Variants in GRM8 observed in about 807,000 individuals in gnomAD.
GRM8 encodes metabotropic glutamate receptor 8.
A neutral mutation model predicts 87.2 loss-of-function variants in GRM8; 47 were observed. The ratio of observed to expected loss-of-function variants is 0.54; its 90% CI spans 0.43 to 0.69. GRM8 has a LOEUF of 0.69. Ranked by LOEUF, GRM8 falls within the 30% of genes least tolerant of loss-of-function variation. GRM8 has a pLI of 0.00. For missense variants in GRM8, 1,019 were observed against 1,139.2 expected (o/e 0.89, Z 1.52); for synonymous variants, 396 against 404.5 (o/e 0.98, Z 0.25).
At chr7:127,088,943 G>C (rs1026414766) in intron 3 of GRM8, among the ~76,000 whole-genome samples, 7 of 152,188 alleles carry the variant, frequency 4.6e-5, no homozygotes, top group Admixed American at 2.0e-4. Flanking sequence ...CCAAGCCTTG[G>C]ACTTCTGCGG....
Position 127,035,283 on chromosome 7 carries a change from CT to C in GRM8, c.727+71212del, listed in dbSNP as rs1239865840. On this transcript the variant is annotated intron_variant, in intron 3 of 10. Coordinates refer to ENST00000339582, the MANE Select transcript of GRM8 (RefSeq NM_000845.3). Reference sequence around the variant, plus strand: ...GGCAAGAGATTACAATGATATTTGCCTTGTTAAGGCTGTGTCTATACGGTGC... The same window carrying C: ...GGCAAGAGATTACAATGATATTTGCCTGTTAAGGCTGTGTCTATACGGTGC... Among the ~76,000 whole-genome samples, 12 of 152,266 alleles carry C rather than the reference CT, an allele frequency of 7.9e-5. 1 individual carries two copies. The Middle Eastern group carries it at 0.01, about 129-fold the overall frequency.
intron 6 of GRM8, among the ~76,000 whole-genome samples, chr7:126,890,926 T>C (rs1800940305): frequency 6.6e-6 from 1 of 152,042 alleles, no homozygotes; most frequent in African/African-American, 2.4e-5. Context: ...CCCATTAATA[T>C]ACTAGTGAGG....
At chr7:126,874,269 T>G (rs1799356175) in intron 6 of GRM8, among the ~76,000 whole-genome samples, 1 of 152,086 alleles carries the variant, frequency 6.6e-6, no homozygotes, top group African/African-American at 2.4e-5. Flanking sequence ...AAAATAAAAC[T>G]TTTTAAATAA....
At chr7:126,801,251 T>G (rs1204818296) in intron 6 of GRM8, among the ~76,000 whole-genome samples, 3 of 152,108 alleles carry the variant, frequency 2.0e-5, no homozygotes, top group Admixed American at 6.6e-5. Flanking sequence ...TAAAAAAACT[T>G]TAAAAATGTG....
At chr7:126,532,045 G>A (rs756300001) in intron 9 of GRM8, among the ~76,000 whole-genome samples, 8 of 152,170 alleles carry the variant, frequency 5.3e-5, no homozygotes, top group Admixed American at 2.0e-4. Flanking sequence ...TTTCAAGCTG[G>A]TTTATCTCCA....
intron 7 of GRM8, among the ~76,000 whole-genome samples, chr7:126,713,174 T>C (rs1811307764): frequency 6.6e-6 from 1 of 152,096 alleles, no homozygotes; most frequent in East Asian, 1.9e-4. Flanking sequence ...CTATTCACAA[T>C]AACAAAGACT....
rs1036200787 is a variant in GRM8, at chr7:126,677,369, A to T, written c.1358-67871T>A. 4.6e-5 allele frequency among the ~76,000 whole-genome samples: 7 copies of T among 152,052 alleles called. 1 individual carries two copies. The highest frequency in any genetic ancestry group is 1.7e-4 in the African/African-American group (7 of 41,528). ...ACTAGGGGCATCCACCCAAAAAAAA[A>T]AAAAAAGCCATATCAAAAAGACACC... On this transcript the variant is annotated intron_variant, in intron 7 of 10. Coordinates refer to ENST00000339582, the MANE Select transcript of GRM8 (RefSeq NM_000845.3).
intron 7 of GRM8, among the ~76,000 whole-genome samples, chr7:126,613,160 T>A (rs542531482): frequency 6.6e-6 from 1 of 152,302 alleles, no homozygotes; most frequent in Non-Finnish European, 1.5e-5. Flanking sequence ...AGAAAGAGCA[T>A]CGTTGAGTAG....
At chr7:127,086,589 C>G (rs1054397398) in intron 3 of GRM8, among the ~76,000 whole-genome samples, 2 of 152,210 alleles carry the variant, frequency 1.3e-5, no homozygotes, top group Non-Finnish European at 2.9e-5. Context: ...CTCCATAAAG[C>G]CCTCCCATAA....
chr7:126,443,512 T>A (rs1000483525), intron 10 of GRM8, among the ~76,000 whole-genome samples: 2 of 151,990 alleles, frequency 1.3e-5, no homozygotes, highest in African/African-American at 4.8e-5. Context: ...ATGTCACACA[T>A]CTTTCTCTCC....
At chr7:126,597,810 G>T (rs1797354055) in intron 8 of GRM8, among the ~76,000 whole-genome samples, 1 of 151,952 alleles carries the variant, frequency 6.6e-6, no homozygotes, top group African/African-American at 2.4e-5. Context: ...CATAATAGTT[G>T]TGCATATCTG....
At chr7:126,876,012 G>C (rs976207061) in intron 6 of GRM8, among the ~76,000 whole-genome samples, 6 of 152,112 alleles carry the variant, frequency 3.9e-5, no homozygotes, top group African/African-American at 1.4e-4. Flanking sequence ...ATCCTGAAAA[G>C]AGTGCTTTTC....
intron 7 of GRM8, among the ~76,000 whole-genome samples, chr7:126,721,970 TACCAATGAACACTTAA>T (rs944918966): frequency 2.0e-4 from 30 of 152,134 alleles, no homozygotes; most frequent in Non-Finnish European, 4.4e-5. Context: ...GACAAAGTTG[TACCAATGAACACTTAA>T]GCAGAGGGAC....
At chr7:126,969,072 ATTAACT>A (rs1810152781) in intron 3 of GRM8, among the ~76,000 whole-genome samples, 1 of 152,336 alleles carries the variant, frequency 6.6e-6, no homozygotes, top group Non-Finnish European at 1.5e-5. Flanking sequence ...ATGTACACAC[ATTAACT>A]TTAAAATATT....
chr7:126,586,894 A>T (rs554760904), intron 8 of GRM8, among the ~76,000 whole-genome samples: 74 of 152,296 alleles, frequency 4.9e-4, no homozygotes, highest in African/African-American at 1.7e-3. Flanking sequence ...TGAACAGGCA[A>T]CCTACAGAAT....
chr7:126,727,411 T>C (rs1463164124), intron 7 of GRM8, among the ~76,000 whole-genome samples: 4 of 152,106 alleles, frequency 2.6e-5, no homozygotes, highest in African/African-American at 9.7e-5. Flanking sequence ...TATGACTACA[T>C]GGGAATTTAA....
At chr7:126,590,305 G>A (rs909807263) in intron 8 of GRM8, among the ~76,000 whole-genome samples, 10 of 151,634 alleles carry the variant, frequency 6.6e-5, no homozygotes, top group Non-Finnish European at 1.5e-4. Flanking sequence ...CAAGGTTTTT[G>A]AAATAATCCA....
intron 2 of GRM8, among the ~76,000 whole-genome samples, chr7:127,231,555 T>C (rs759326909): frequency 9.9e-5 from 15 of 152,234 alleles, no homozygotes; most frequent in Admixed American, 7.8e-4. Flanking sequence ...ATGTGACTTC[T>C]AGAACAAGTA....
chr7:126,454,673 C>T (rs966021930), intron 9 of GRM8, among the ~76,000 whole-genome samples: 2 of 151,494 alleles, frequency 1.3e-5, no homozygotes, highest in African/African-American at 4.8e-5. Context: ...AATTAAGTTA[C>T]AATCAGGTCA....
Sources: allele counts gnomAD v4.1 joint callset (sites outside exome capture counted in the v4.1 genomes callset), GRCh38; gene constraint gnomAD v4.1.1; transcripts MANE v1.5; gene names NCBI Gene and HGNC (gene_info 2026-07-23, HGNC 2026-07-21).